SRPK2: variants seen among roughly 807,000 people sequenced by gnomAD.
SRPK2 encodes SRSF protein kinase 2.
Under a neutral mutation model 90.8 loss-of-function variants are expected in SRPK2, and 21 were observed. The ratio of observed to expected loss-of-function variants is 0.23; its 90% confidence interval spans 0.16 to 0.33. SRPK2 has a LOEUF of 0.33. SRPK2 is among the 10% of genes least tolerant of loss of function. The pLI, the probability that SRPK2 is intolerant of heterozygous loss-of-function variation, is 1.00. For missense variants in SRPK2, 620 were observed against 869.0 expected (o/e 0.71, Z 3.60); for synonymous variants, 288 against 311.1 (o/e 0.93, Z 0.78).
At position 105,385,379 on chromosome 7, in the gene SRPK2, TG is replaced by T. The variant is rs531258909; in HGVS notation, c.71+3268del. On this transcript the variant is annotated intron_variant, in intron 2 of 15. Coordinates refer to ENST00000393651, the MANE Select transcript of SRPK2 (RefSeq NM_182692.3). ...TTTTGTATTTTTAGTAGAGACGGGG[TG>T]TTAGCCAGGATGGTCTTGATCTCCT... is the stretch of plus-strand genomic sequence containing the variant. 7.3e-3 allele frequency among the ~76,000 whole-genome samples: 1,099 copies of T among 150,364 alleles called. 13 individuals carry two copies. The highest frequency in any genetic ancestry group is 0.013 in the Non-Finnish European group (863 of 67,738).
At chr7:105,223,114 G>A (rs149071140) in intron 2 of SRPK2, among the ~76,000 whole-genome samples, 184 of 152,342 alleles carry the variant, frequency 1.2e-3, no homozygotes, top group African/African-American at 4.1e-3. Context: ...CAGGGCCCCA[G>A]TCGAGGAACG....
chr7:105,137,520 G>A (rs1803035958), intron 11 of SRPK2, among the ~76,000 whole-genome samples: 1 of 152,144 alleles, frequency 6.6e-6, no homozygotes, highest in Non-Finnish European at 1.5e-5. Flanking sequence ...ACAGTGGTGT[G>A]GGTCCCCATC....
At chr7:105,373,411 T>A (rs1819929651) in intron 2 of SRPK2, among the ~76,000 whole-genome samples, 1 of 150,082 alleles carries the variant, frequency 6.7e-6, no homozygotes, top group Non-Finnish European at 1.5e-5. Context: ...TTCCTTTTTT[T>A]TTTTTTTTTG....
rs1428565536 is a variant in SRPK2 at position 105,280,663 on chromosome 7, G to A, written c.72-76878C>T. Among the ~76,000 whole-genome samples, 10 of 150,024 alleles carry A rather than the reference G, an allele frequency of 6.7e-5. No homozygotes were observed. The South Asian group carries it at 1.9e-3, about 28-fold the overall frequency. The stretch of plus-strand genomic sequence containing the variant: ...AACAAGTCATTAAAAAAAAGGGGGG[G>A]GGGGCCGGGCACAGTGGCTCACCCC... On this transcript the variant is annotated intron_variant, in intron 2 of 15. Coordinates refer to ENST00000393651, the MANE Select transcript of SRPK2 (RefSeq NM_182692.3).
intron 2 of SRPK2, among the ~76,000 whole-genome samples, chr7:105,360,398 G>C (rs2132243433): frequency 6.6e-6 from 1 of 152,246 alleles, no homozygotes; most frequent in Admixed American, 6.5e-5. Context: ...TTAATACTGT[G>C]TGAATCTGAT....
At chr7:105,339,565 T>C (rs1450936199) in intron 2 of SRPK2, among the ~76,000 whole-genome samples, 1 of 152,218 alleles carries the variant, frequency 6.6e-6, no homozygotes, top group Non-Finnish European at 1.5e-5. Context: ...TGAGTGACAA[T>C]GGTCAATGGC....
chr7:105,200,778 T>C (rs1795447744), intron 3 of SRPK2, among the ~76,000 whole-genome samples: 1 of 152,152 alleles, frequency 6.6e-6, no homozygotes, highest in African/African-American at 2.4e-5. Flanking sequence ...TTCAAAAATG[T>C]CAAGGACATG....
At chr7:105,218,282 TA>T (rs753692931) in intron 2 of SRPK2, among the ~76,000 whole-genome samples, 8 of 152,224 alleles carry the variant, frequency 5.3e-5, no homozygotes, top group Non-Finnish European at 1.2e-4. Context: ...TTTCGGAAGC[TA>T]TAACACAATA....
chr7:105,304,915 C>G (rs1810980808), intron 2 of SRPK2, among the ~76,000 whole-genome samples: 1 of 152,146 alleles, frequency 6.6e-6, no homozygotes, highest in Non-Finnish European at 1.5e-5. Context: ...CCTTCTTAGC[C>G]TAAATAGAAG....
At chr7:105,255,678 T>A (rs1803170724) in intron 2 of SRPK2, among the ~76,000 whole-genome samples, 1 of 152,202 alleles carries the variant, frequency 6.6e-6, no homozygotes, top group African/African-American at 2.4e-5. Flanking sequence ...TTGCCTGTAA[T>A]CCCAGCACTT....
chr7:105,167,511 G>A lies in SRPK2; in HGVS notation c.427-47C>T, dbSNP rs1221359038. 4 of 1,458,058 alleles carry A rather than the reference G, an allele frequency of 2.7e-6. No homozygotes were observed. The East Asian group carries it at 9.1e-5, about 33-fold the overall frequency. The allele number at this position is 1,458,058 out of a possible 1,614,324, so 90.3% of individuals were successfully genotyped here. A position where few individuals can be genotyped will look rare whatever the true frequency, so the allele number is the denominator to read the frequency against. On this transcript the variant is annotated intron_variant, in intron 5 of 15. Transcript: ENST00000393651. Reference sequence around the variant, plus strand: ...CAAGAACACAGGAGTTTGAGACAAAGCATGTTTTCCCATTATAACACCAAT... The same window carrying A: ...CAAGAACACAGGAGTTTGAGACAAAACATGTTTTCCCATTATAACACCAAT...
chr7:105,237,437 G>A (rs929317565), intron 2 of SRPK2, among the ~76,000 whole-genome samples: 3 of 152,178 alleles, frequency 2.0e-5, no homozygotes, highest in African/African-American at 7.2e-5. Flanking sequence ...AGAATGTGCA[G>A]ATATTCTAGT....
intron 2 of SRPK2, among the ~76,000 whole-genome samples, chr7:105,373,403 CCTT>C (rs1246822390): frequency 1.6e-5 from 2 of 123,444 alleles, no homozygotes; most frequent in Admixed American, 1.7e-4. Flanking sequence ...TTTTTCTTTT[CCTT>C]TTTTTTTTTT....
At chr7:105,393,160 A>T (rs1822226821), upstream of SRPK2, among the ~76,000 whole-genome samples, 1 of 151,498 alleles carries the variant, frequency 6.6e-6, no homozygotes, top group South Asian at 2.1e-4. Context: ...CTCCCGGCTA[A>T]TTTTTTTGTA....
At chr7:105,346,197 A>T (rs1204078) in intron 2 of SRPK2, among the ~76,000 whole-genome samples, 110,360 of 151,892 alleles carry the variant, frequency 0.73, 40,618 homozygotes, top group African/African-American at 0.84. Flanking sequence ...AAAGTTTTTT[A>T]AAAAATTCCT....
chr7:105,376,049 AGT>A (rs1167764727), intron 2 of SRPK2, among the ~76,000 whole-genome samples: 2 of 118,148 alleles, frequency 1.7e-5, no homozygotes, highest in Non-Finnish European at 3.2e-5. Flanking sequence ...GCTGGAGTGC[AGT>A]GTCGTGATCT....
At chr7:105,171,512 G>A (rs1791146715) in intron 3 of SRPK2, among the ~76,000 whole-genome samples, 1 of 152,202 alleles carries the variant, frequency 6.6e-6, no homozygotes, top group Non-Finnish European at 1.5e-5. Flanking sequence ...CAATAAAGAT[G>A]TGGATGGCTT....
At chr7:105,141,288 A>T (rs73184098) in intron 11 of SRPK2, among the ~76,000 whole-genome samples, 18,185 of 152,218 alleles carry the variant, frequency 0.12, 1,496 homozygotes, top group Middle Eastern at 0.2. Context: ...GCTGTGTGTT[A>T]AACAGTCTTG....
intron 2 of SRPK2, among the ~76,000 whole-genome samples, chr7:105,277,383 G>C (rs944518431): frequency 6.6e-6 from 1 of 152,068 alleles, no homozygotes; most frequent in African/African-American, 2.4e-5. Context: ...GCCCAACTTG[G>C]TATTTTTAAG....
Sources: allele counts gnomAD v4.1 joint callset (sites outside exome capture counted in the v4.1 genomes callset), GRCh38; gene constraint gnomAD v4.1.1; transcripts MANE v1.5; gene names NCBI Gene and HGNC (gene_info 2026-07-23, HGNC 2026-07-21).